Variants in CNTNAP2 observed in about 807,000 individuals in gnomAD.
CNTNAP2 encodes contactin-associated protein-like 2.
In CNTNAP2, 98 loss-of-function variants were observed where a neutral mutation model predicts 155.2. The ratio of observed to expected loss-of-function variants is 0.63; its 90% CI spans 0.54 to 0.75. The LOEUF (loss-of-function observed/expected upper bound fraction) is 0.75. CNTNAP2 is among the 30% of genes least tolerant of loss of function. CNTNAP2 has a pLI of 0.00. For missense variants in CNTNAP2, 1,727 were observed against 1,688.1 expected (o/e 1.02, Z -0.40); for synonymous variants, 651 against 631.2 (o/e 1.03, Z -0.47).
In CNTNAP2 at chr7:147,447,187, G is replaced by A. The variant is rs1797753759; in HGVS notation, c.1671-38748G>A. 2.0e-5 allele frequency among the ~76,000 whole-genome samples: 3 copies of A among 152,192 alleles called. No homozygotes were observed. In the South Asian group the frequency reaches 6.2e-4, roughly 32 times the overall value. ...TGGAGCTAGTAGATGCACACAAGTG[G>A]ACAGATTTCAGAAAGTTTTAGAGAA... is the stretch of plus-strand genomic sequence containing the variant. On this transcript the variant is annotated intron_variant, in intron 10 of 23. Coordinates refer to ENST00000361727, the MANE Select transcript of CNTNAP2 (RefSeq NM_014141.6).
intron 1 of CNTNAP2, among the ~76,000 whole-genome samples, chr7:146,730,179 G>T (rs1170751969): frequency 6.6e-6 from 1 of 152,140 alleles, no homozygotes; most frequent in East Asian, 1.9e-4. Context: ...CTTTGATGAT[G>T]AAAATAATAT....
At chr7:146,842,993 A>ATTTTTTTTT (rs1257696854) in intron 3 of CNTNAP2, among the ~76,000 whole-genome samples, 4 of 24,226 alleles carry the variant, frequency 1.7e-4, no homozygotes, top group Non-Finnish European at 2.3e-4. Flanking sequence ...CCTGTCCCAC[A>ATTTTTTTTT]CTTTTTTTTT....
intron 3 of CNTNAP2, among the ~76,000 whole-genome samples, chr7:146,967,915 T>C (rs1293563470): frequency 4.8e-4 from 73 of 150,788 alleles, no homozygotes; most frequent in East Asian, 3.5e-3. Context: ...CTTCCAGTTT[T>C]TGCGCATTCA....
At chr7:148,342,951 T>C (rs1798260693) in intron 21 of CNTNAP2, among the ~76,000 whole-genome samples, 1 of 152,250 alleles carries the variant, frequency 6.6e-6, no homozygotes, top group Non-Finnish European at 1.5e-5. Context: ...AAGAAAACTT[T>C]ATCTGGAAAA....
At chr7:146,196,033 C>G (rs1798770244) in intron 1 of CNTNAP2, among the ~76,000 whole-genome samples, 1 of 152,118 alleles carries the variant, frequency 6.6e-6, no homozygotes, top group Admixed American at 6.5e-5. Context: ...TGTGAGTTGT[C>G]TTGGTCTCTT....
chr7:146,464,475 GA>G (rs1796687526), intron 1 of CNTNAP2, among the ~76,000 whole-genome samples: 1 of 152,046 alleles, frequency 6.6e-6, no homozygotes, highest in Non-Finnish European at 1.5e-5. Context: ...GTGGAAATTG[GA>G]AACATAAGCT....
chr7:146,736,718 A>G (rs1309681370), intron 1 of CNTNAP2, among the ~76,000 whole-genome samples: 1 of 152,176 alleles, frequency 6.6e-6, no homozygotes, highest in Non-Finnish European at 1.5e-5. Flanking sequence ...ATGATGCATT[A>G]CAGTTTATGG....
rs185423124 is a variant in CNTNAP2, at chr7:146,520,190, A to G, written c.98-254081A>G. Reference sequence around the variant, plus strand: ...ATATCCTAACTAATTAAATAATTATAGTTGACAATAACTTTATTAGGCAAA... The same window carrying G: ...ATATCCTAACTAATTAAATAATTATGGTTGACAATAACTTTATTAGGCAAA... On this transcript the variant is annotated intron_variant, in intron 1 of 23. Transcript: ENST00000361727. Among the ~76,000 whole-genome samples the G allele has an allele frequency of 4.3e-4, 65 of 150,902 alleles. 1 individual carries two copies. The East Asian group carries it at 0.012, about 27-fold the overall frequency.
chr7:146,667,038 T>C lies in CNTNAP2; in HGVS notation c.98-107233T>C, dbSNP rs1443606360. Among the ~76,000 whole-genome samples, 3 of 152,220 alleles carry C rather than the reference T, an allele frequency of 2.0e-5. No homozygotes were observed. In the East Asian group the frequency reaches 5.8e-4, roughly 29 times the overall value. On this transcript the variant is annotated intron_variant, in intron 1 of 23. Coordinates refer to ENST00000361727, the MANE Select transcript of CNTNAP2 (RefSeq NM_014141.6). Reference sequence around the variant, plus strand: ...TTGTTGTTGTACTTTTGAGGAACTTTTTGTTACTCATAAAATATTTTCCAG... The same window carrying C: ...TTGTTGTTGTACTTTTGAGGAACTTCTTGTTACTCATAAAATATTTTCCAG...
chr7:146,490,761 C>G (rs1797126531), intron 1 of CNTNAP2, among the ~76,000 whole-genome samples: 1 of 152,068 alleles, frequency 6.6e-6, no homozygotes, highest in South Asian at 2.1e-4. Context: ...CAAAGTAACA[C>G]TGGAATTTTA....
intron 21 of CNTNAP2, among the ~76,000 whole-genome samples, chr7:148,300,802 A>T (rs1797373236): frequency 6.6e-6 from 1 of 152,180 alleles, no homozygotes; most frequent in South Asian, 2.1e-4. Context: ...TTTCTATGAG[A>T]TACTTAGAGG....
chr7:147,383,064 A>C (rs1382988226), intron 9 of CNTNAP2, among the ~76,000 whole-genome samples: 1 of 152,142 alleles, frequency 6.6e-6, no homozygotes, highest in Admixed American at 6.6e-5. Flanking sequence ...AACAGGATTG[A>C]AATTGCCAAC....
At chr7:148,293,797 G>A (rs1797233975) in intron 21 of CNTNAP2, among the ~76,000 whole-genome samples, 1 of 152,058 alleles carries the variant, frequency 6.6e-6, no homozygotes, top group Non-Finnish European at 1.5e-5. Context: ...CACTTTGGGA[G>A]GTCGAGGCAG....
chr7:147,305,161 C>T (rs1346341997), intron 9 of CNTNAP2, among the ~76,000 whole-genome samples: 1 of 151,990 alleles, frequency 6.6e-6, no homozygotes, highest in Non-Finnish European at 1.5e-5. Context: ...ATAATAATGG[C>T]CTCTCAATCC....
At chr7:147,736,248 C>A (rs941149895) in intron 13 of CNTNAP2, among the ~76,000 whole-genome samples, 2 of 151,746 alleles carry the variant, frequency 1.3e-5, no homozygotes, top group Admixed American at 6.6e-5. Flanking sequence ...ATTTGCTTGT[C>A]TATAAAGTAT....
intron 21 of CNTNAP2, among the ~76,000 whole-genome samples, chr7:148,345,569 G>A (rs1355099662): frequency 6.6e-6 from 1 of 152,134 alleles, no homozygotes; most frequent in Non-Finnish European, 1.5e-5. Flanking sequence ...TATTTTAGAA[G>A]AGATGGGGTT....
intron 8 of CNTNAP2, among the ~76,000 whole-genome samples, chr7:147,254,378 A>T (rs1403400845): frequency 6.6e-6 from 1 of 152,236 alleles, no homozygotes; most frequent in Non-Finnish European, 1.5e-5. Context: ...CATGACAATA[A>T]TAGGAAAAAT....
chr7:146,561,196 A>G (rs1798274599), intron 1 of CNTNAP2, among the ~76,000 whole-genome samples: 1 of 152,270 alleles, frequency 6.6e-6, no homozygotes, highest in Admixed American at 6.5e-5. Flanking sequence ...TGTAGAAGAC[A>G]ATAGAAGAGG....
At chr7:146,643,095 C>G (rs1281592057) in intron 1 of CNTNAP2, among the ~76,000 whole-genome samples, 3 of 147,840 alleles carry the variant, frequency 2.0e-5, no homozygotes, top group Non-Finnish European at 4.5e-5. Flanking sequence ...AAAATTTTCT[C>G]CCATTTTGTA....
Sources: allele counts gnomAD v4.1 joint callset (sites outside exome capture counted in the v4.1 genomes callset), GRCh38; gene constraint gnomAD v4.1.1; transcripts MANE v1.5; gene names NCBI Gene and HGNC (gene_info 2026-07-23, HGNC 2026-07-21).